Variants in CHN1 observed in about 807,000 individuals in gnomAD.
The protein encoded by CHN1 is N-chimaerin.
CHN1 carries 37 observed loss-of-function variants against 59.5 expected under a neutral mutation model. The ratio of observed to expected loss-of-function variants is 0.62; its 90% confidence interval spans 0.48 to 0.82. CHN1 has a LOEUF of 0.82. Ranked by LOEUF, CHN1 falls within the 40% of genes least tolerant of loss-of-function variation. The probability of loss-of-function intolerance (pLI) is 0.00; values close to 1 mark genes in which losing one functional copy is unlikely to be tolerated. For synonymous variants in CHN1, 206 were observed against 200.4 expected, an observed-to-expected ratio of 1.03 and a Z score of -0.24; for missense variants, 469 against 571.0, an observed-to-expected ratio of 0.82 and a Z score of 1.82.
rs1478655997 is a variant in CHN1 at position 174,812,337 on chromosome 2, G to C, written c.858C>G (p.Asp286Glu). The change falls in exon 9 of 13, where the codon GAC (aspartate) becomes GAG (glutamate). Residue 286 changes from aspartate to glutamate, a missense_variant. Asp to Glu is a conservative substitution (Grantham distance 45). This residue lies in a region of CHN1 where 225 missense variants were observed against 289.9 expected (regional missense o/e 0.78). Coordinates refer to ENST00000409900, the MANE Select transcript of CHN1 (RefSeq NM_001822.7). Reference protein sequence around the residue: ...AHTTKRPMVVDMCIREIESRG... With the variant: ...AHTTKRPMVVEMCIREIESRG... ...TAGACTCAATCTCCCTGATGCACAT[G>C]TCTACCACCATTGGCCGCTTAGTGG... 1.9e-6 allele frequency: 3 copies of C among 1,613,638 alleles called. No individual in the cohort carries two copies. Among genetic ancestry groups the C allele is most frequent in the Non-Finnish European group, 2.5e-6 (3 of 1,179,786 alleles).
chr2:174,915,527 A>C (rs1478769259), intron 4 of CHN1, among the ~76,000 whole-genome samples: 1 of 151,434 alleles, frequency 6.6e-6, no homozygotes, highest in Non-Finnish European at 1.5e-5. Context: ...AAAAAAAAAA[A>C]CGCAGAAAAT....
intron 1 of CHN1, among the ~76,000 whole-genome samples, chr2:175,003,170 C>T (rs1409859571): frequency 6.6e-6 from 1 of 152,228 alleles, no homozygotes; most frequent in Non-Finnish European, 1.5e-5. Flanking sequence ...GCTGCTCTAT[C>T]ACTACTTAAC....
intron 1 of CHN1, among the ~76,000 whole-genome samples, chr2:174,955,242 GATAA>G (rs1690169750): frequency 6.8e-6 from 1 of 147,202 alleles, no homozygotes; most frequent in South Asian, 2.1e-4. Context: ...GATATATAGA[GATAA>G]ATAGATAGAC....
At chr2:174,871,687 A>G (rs756621785) in intron 6 of CHN1, among the ~76,000 whole-genome samples, 5 of 152,190 alleles carry the variant, frequency 3.3e-5, no homozygotes, top group Admixed American at 2.6e-4. Flanking sequence ...CCAACTTAGT[A>G]TTTATTTAAT....
chr2:174,972,857 T>A (rs1341004965), intron 1 of CHN1, among the ~76,000 whole-genome samples: 1 of 152,212 alleles, frequency 6.6e-6, no homozygotes, highest in Non-Finnish European at 1.5e-5. Flanking sequence ...TTAGTATGCA[T>A]AATATCTGCA....
chr2:174,805,418 C>T (rs185589531), intron 11 of CHN1, among the ~76,000 whole-genome samples: 22 of 152,282 alleles, frequency 1.4e-4, no homozygotes, highest in Non-Finnish European at 2.8e-4. Flanking sequence ...ATACCTATTA[C>T]GTAAGTAAGG....
intron 7 of CHN1, among the ~76,000 whole-genome samples, chr2:174,826,462 T>C (rs547262427): frequency 1.4e-4 from 21 of 152,336 alleles, no homozygotes; most frequent in Non-Finnish European, 2.8e-4. Flanking sequence ...AACTCACTTA[T>C]AGGTTGCCAA....
intron 1 of CHN1, among the ~76,000 whole-genome samples, chr2:174,975,941 G>A (rs1260996324): frequency 3.4e-5 from 5 of 148,462 alleles, no homozygotes; most frequent in Non-Finnish European, 7.4e-5. Context: ...CTAACATGGT[G>A]AAACCCCGTC....
intron 6 of CHN1, among the ~76,000 whole-genome samples, chr2:174,870,708 T>C (rs1687380308): frequency 6.6e-6 from 1 of 152,232 alleles, no homozygotes; most frequent in Non-Finnish European, 1.5e-5. Flanking sequence ...CTACCAGAGT[T>C]GATTCCTTTT....
intron 10 of CHN1, chr2:174,811,093 C>G (rs1488341601): frequency 6.5e-6 from 1 of 153,412 alleles, no homozygotes; most frequent in Non-Finnish European, 1.4e-5. Context: ...TTGGGTCTCA[C>G]TCAGCTAATC....
intron 8 of CHN1, chr2:174,821,678 G>A (rs1685501223): frequency 4.6e-6 from 2 of 439,310 alleles, no homozygotes; most frequent in East Asian, 1.6e-4. Flanking sequence ...CCTCCCCTCT[G>A]GAGGACATAG....
chr2:174,895,088 CCA>C (rs1170462581), intron 5 of CHN1, among the ~76,000 whole-genome samples: 3 of 148,066 alleles, frequency 2.0e-5, no homozygotes, highest in African/African-American at 5.0e-5. Flanking sequence ...TTAGTACTAT[CCA>C]CAGTTTCAGG....
chr2:174,828,437 C>T (rs959570247), intron 7 of CHN1, among the ~76,000 whole-genome samples: 1 of 152,146 alleles, frequency 6.6e-6, no homozygotes, highest in Non-Finnish European at 1.5e-5. Flanking sequence ...GTGATGTTTA[C>T]GTCACATACT....
intron 1 of CHN1, among the ~76,000 whole-genome samples, chr2:174,980,786 T>C (rs923862714): frequency 6.6e-6 from 1 of 152,186 alleles, no homozygotes; most frequent in Non-Finnish European, 1.5e-5. Flanking sequence ...ATATTCTGTA[T>C]GTTAGAAATA....
intron 5 of CHN1, among the ~76,000 whole-genome samples, chr2:174,909,412 T>A (rs1206776851): frequency 1.4e-4 from 21 of 152,170 alleles, no homozygotes; most frequent in Admixed American, 1.4e-3. Context: ...AGACAAGCAA[T>A]CAGTACATGC....
intron 2 of CHN1, among the ~76,000 whole-genome samples, chr2:174,950,875 G>T (rs961198424): frequency 1.3e-5 from 2 of 151,154 alleles, no homozygotes; most frequent in African/African-American, 4.9e-5. Flanking sequence ...TGCCTCCCTG[G>T]TTCAAGCGAT....
At chr2:174,995,892 TTTAC>T (rs1691690971) in intron 1 of CHN1, among the ~76,000 whole-genome samples, 1 of 152,212 alleles carries the variant, frequency 6.6e-6, no homozygotes, top group Non-Finnish European at 1.5e-5. Flanking sequence ...TAACCCTTAT[TTTAC>T]TTAACAGTGG....
intron 1 of CHN1, among the ~76,000 whole-genome samples, chr2:174,956,277 C>T (rs1378884323): frequency 6.6e-6 from 1 of 152,046 alleles, no homozygotes; most frequent in Non-Finnish European, 1.5e-5. Flanking sequence ...AAGATAAAGA[C>T]TTTCTCAGAA....
intron 6 of CHN1, among the ~76,000 whole-genome samples, chr2:174,863,861 T>C (rs947336057): frequency 5.3e-5 from 8 of 152,184 alleles, no homozygotes; most frequent in Admixed American, 3.9e-4. Flanking sequence ...GAAAGCTTCA[T>C]TGGTGAGAAC....
Sources: gnomAD v4.1 joint callset for allele counts (sites outside exome capture counted in the v4.1 genomes callset) on GRCh38, gnomAD v4.1.1 for gene constraint, gnomAD v4.1.1 regional missense constraint, MANE v1.5 for transcripts, NCBI Gene and HGNC (gene_info 2026-07-23, HGNC 2026-07-21) for gene names.